CACNB2: variants seen among roughly 807,000 people sequenced by gnomAD.
CACNB2 encodes the protein calcium voltage-gated channel auxiliary subunit beta 2, also known as voltage-dependent L-type calcium channel subunit beta-2.
CACNB2 carries 42 observed loss-of-function variants against 73.3 expected under a neutral mutation model. The ratio of observed to expected loss-of-function variants is 0.57; its 90% CI spans 0.45 to 0.74. CACNB2 has a LOEUF of 0.74. CACNB2 is among the 30% of genes least tolerant of loss of function. CACNB2 has a pLI of 0.00. For missense variants in CACNB2, 940 were observed against 853.0 expected, an observed-to-expected ratio of 1.10 and a Z score of -1.27; for synonymous variants, 348 against 310.3, an observed-to-expected ratio of 1.12 and a Z score of -1.28.
chr10:18,523,859 A>G (rs562756246), intron 9 of CACNB2, among the ~76,000 whole-genome samples: 1 of 152,362 alleles, frequency 6.6e-6, no homozygotes, highest in African/African-American at 2.4e-5. Flanking sequence ...TTTAAGCCCA[A>G]GAGGAGAAAA....
intron 2 of CACNB2, among the ~76,000 whole-genome samples, chr10:18,280,107 C>T (rs1419666196): frequency 6.6e-6 from 1 of 152,016 alleles, no homozygotes; most frequent in African/African-American, 2.4e-5. Flanking sequence ...AAATTATCCA[C>T]CCAAGAGAAT....
chr10:18,456,198 C>T (rs1041022990), intron 3 of CACNB2, among the ~76,000 whole-genome samples: 7 of 152,126 alleles, frequency 4.6e-5, no homozygotes, highest in African/African-American at 1.2e-4. Context: ...TGGCCAGGCA[C>T]GGTGGCTCAC....
At chr10:18,292,461 G>T (rs973955522) in intron 2 of CACNB2, among the ~76,000 whole-genome samples, 1 of 152,142 alleles carries the variant, frequency 6.6e-6, no homozygotes, top group Non-Finnish European at 1.5e-5. Context: ...TTCGAGACCA[G>T]CCTGGCCAAT....
intron 3 of CACNB2, among the ~76,000 whole-genome samples, chr10:18,434,791 A>T (rs1238852484): frequency 6.6e-6 from 1 of 152,202 alleles, no homozygotes; most frequent in Non-Finnish European, 1.5e-5. Context: ...AACAGAAAAA[A>T]ATAAATTACA....
intron 3 of CACNB2, among the ~76,000 whole-genome samples, chr10:18,457,863 C>T (rs898567100): frequency 6.6e-6 from 1 of 151,760 alleles, no homozygotes; most frequent in African/African-American, 2.4e-5. Flanking sequence ...GTACTCCAGC[C>T]TGGGTGACAA....
At position 18,155,328 on chromosome 10, in the gene CACNB2, A is replaced by G. The variant is rs140939935; in HGVS notation, c.213+4353A>G. ...TTGTATCTGAATTCTTTCACTGAAC[A>G]TTATGGCTGTTATATTTATCTATGT... On this transcript the variant is annotated intron_variant, in intron 2 of 13. Coordinates refer to ENST00000324631, the MANE Select transcript of CACNB2 (RefSeq NM_201596.3). Among the ~76,000 whole-genome samples the G allele has an allele frequency of 1.6e-3, 249 of 152,298 alleles. 2 individuals carry two copies. Among genetic ancestry groups the G allele is most frequent in the African/African-American group, 5.6e-3 (231 of 41,550 alleles).
intron 2 of CACNB2, among the ~76,000 whole-genome samples, chr10:18,233,006 G>T (rs535417377): frequency 1.1e-3 from 167 of 152,284 alleles, no homozygotes; most frequent in Non-Finnish European, 1.8e-3. Context: ...AGGATCTCGA[G>T]CTCAGAAGGT....
chr10:18,386,312 G>A (rs918488679), intron 2 of CACNB2, among the ~76,000 whole-genome samples: 1 of 151,428 alleles, frequency 6.6e-6, no homozygotes, highest in South Asian at 2.1e-4. Flanking sequence ...AATATATGAA[G>A]GCATCAAACT....
At chr10:18,461,392 G>A (rs185933462) in intron 3 of CACNB2, among the ~76,000 whole-genome samples, 189 of 152,210 alleles carry the variant, frequency 1.2e-3, no homozygotes, top group African/African-American at 4.2e-3. Context: ...TAACTTTCTT[G>A]TTTGATAGCA....
intron 3 of CACNB2, among the ~76,000 whole-genome samples, chr10:18,437,413 G>T (rs532381630): frequency 1.3e-5 from 2 of 152,132 alleles, no homozygotes; most frequent in Admixed American, 6.6e-5. Flanking sequence ...ACCAAATAGC[G>T]TATCGTTGAC....
intron 2 of CACNB2, among the ~76,000 whole-genome samples, chr10:18,357,222 C>T (rs1384714530): frequency 6.6e-6 from 1 of 152,002 alleles, no homozygotes; most frequent in Non-Finnish European, 1.5e-5. Context: ...GGATTACAGG[C>T]GTGAGCCACC....
At chr10:18,482,596 C>T (rs1443686065) in intron 3 of CACNB2, among the ~76,000 whole-genome samples, 1 of 152,112 alleles carries the variant, frequency 6.6e-6, no homozygotes, top group Non-Finnish European at 1.5e-5. Flanking sequence ...CTGCAACCTC[C>T]ACCTCCCGGG....
Position 18,316,458 on chromosome 10 carries a change from T to C in CACNB2, c.214-85466T>C, listed in dbSNP as rs893938075. Among the ~76,000 whole-genome samples the C allele has an allele frequency of 6.5e-3, 965 of 147,690 alleles. 9 individuals are homozygous for C. The highest frequency in any genetic ancestry group is 0.022 in the African/African-American group (914 of 40,686). On this transcript the variant is annotated intron_variant, in intron 2 of 13. Coordinates refer to ENST00000324631, the MANE Select transcript of CACNB2 (RefSeq NM_201596.3). ...CTAGAAAAGGTCTTTCTTTTTTTCTTCCCCCCTCTCTTTTTTTTTTTTTAA... is the reference window on the plus strand; with the variant it reads ...CTAGAAAAGGTCTTTCTTTTTTTCTCCCCCCCTCTCTTTTTTTTTTTTTAA...
Position 18,498,494 on chromosome 10 carries a change from C to T in CACNB2, c.456+17C>T, listed in dbSNP as rs867418674. 6.2e-7 allele frequency: 1 copy of T among 1,613,050 alleles called. No individual in the cohort carries two copies. The highest frequency in any genetic ancestry group is 8.5e-7 in the Non-Finnish European group (1 of 1,179,160). On this transcript the variant is annotated intron_variant, in intron 4 of 13. Transcript: ENST00000324631. ...GTTAAGGAAGTAAGGAGAATAATTTCATTTTCTAACAGCATGATGTTTCAC... is the reference window on the plus strand; with the variant it reads ...GTTAAGGAAGTAAGGAGAATAATTTTATTTTCTAACAGCATGATGTTTCAC...
At chr10:18,514,431 G>C in intron 7 of CACNB2, 62 bp downstream of exon 7, 1 of 1,613,766 alleles carries the variant, frequency 6.2e-7, no homozygotes, top group Admixed American at 1.7e-5. Flanking sequence ...CACATTTCTA[G>C]TCCTGTTGAC....
Position 18,533,421 on chromosome 10 carries a change from C to T in CACNB2, c.1055-655C>T, listed in dbSNP as rs777478794. 11 of 152,378 alleles carry T rather than the reference C, an allele frequency of 7.2e-5. No individual in the cohort carries two copies. The South Asian group carries it at 1.0e-3, about 14-fold the overall frequency. The allele number at this position is 152,378 out of a possible 1,614,324, so 9.4% of individuals were successfully genotyped here. A position where few individuals can be genotyped will look rare whatever the true frequency, so the allele number is the denominator to read the frequency against. On this transcript the variant is annotated intron_variant, in intron 10 of 13. Transcript: ENST00000324631. Reference sequence around the variant, plus strand: ...ACAGATGAACTGAATGCCATTTTCTCGGAGTTCAACTAGATATTCTAATGT... The same window carrying T: ...ACAGATGAACTGAATGCCATTTTCTTGGAGTTCAACTAGATATTCTAATGT...
At chr10:18,380,287 A>T (rs1415614891) in intron 2 of CACNB2, among the ~76,000 whole-genome samples, 1 of 152,114 alleles carries the variant, frequency 6.6e-6, no homozygotes, top group African/African-American at 2.4e-5. Context: ...TAGCAAAAAA[A>T]TAAAAATTAA....
At chr10:18,205,317 A>C (rs2035044748) in intron 2 of CACNB2, among the ~76,000 whole-genome samples, 1 of 152,192 alleles carries the variant, frequency 6.6e-6, no homozygotes, top group African/African-American at 2.4e-5. Context: ...TAACTCATAT[A>C]GTTATTGTGA....
chr10:18,539,907 T>G lies in CACNB2; in HGVS notation c.*183T>G, dbSNP rs899028343. On this transcript the variant is annotated 3_prime_UTR_variant, in exon 14 of 14. Coordinates refer to ENST00000324631, the MANE Select transcript of CACNB2 (RefSeq NM_201596.3). Reference sequence around the variant, plus strand: ...TAGAGTATTGAGATACTTTTTCTTTTGTAAGTGCTACATAAATTGGCCTGG... The same window carrying G: ...TAGAGTATTGAGATACTTTTTCTTTGGTAAGTGCTACATAAATTGGCCTGG... The G allele has an allele frequency of 1.2e-4, 84 of 694,450 alleles. No individual in the cohort carries two copies. The African/African-American group carries it at 1.2e-3, about 10-fold the overall frequency. The allele number at this position is 694,450 out of a possible 1,614,324, so 43.0% of individuals were successfully genotyped here.
Sources: gnomAD v4.1 joint callset for allele counts (sites outside exome capture counted in the v4.1 genomes callset) on GRCh38, gnomAD v4.1.1 for gene constraint, MANE v1.5 for transcripts, NCBI Gene and HGNC (gene_info 2026-07-23, HGNC 2026-07-21) for gene names.